The following SPMIP1 variants were observed in gnomAD, a reference collection of about 807,000 sequenced individuals.
SPMIP1 encodes the protein sperm microtubule inner protein 1.
At chr7:128,866,345 C>T in the SPMIP1 span, 1 of 1,314,584 alleles carries the variant, frequency 7.6e-7, no homozygotes, top group Non-Finnish European at 1.0e-6. Context: ...CCGTCAGAAG[C>T]ACTCTGCTTG....
chr7:128,868,993 G>GCAC, the SPMIP1 span: 2 of 470,850 alleles, frequency 4.2e-6, no homozygotes, highest in Non-Finnish European at 7.6e-6. Flanking sequence ...TGACCAGAGG[G>GCAC]TGCTGGGAAG....
At chr7:128,866,931 G>A in the SPMIP1 span, 2 of 1,196,882 alleles carry the variant, frequency 1.7e-6, no homozygotes, top group East Asian at 2.6e-5. Flanking sequence ...ACAGAGCAAG[G>A]AGATGGCCAA....
At chr7:128,866,598 A>AAACC in the SPMIP1 span, 1 of 1,431,918 alleles carries the variant, frequency 7.0e-7, no homozygotes, top group Non-Finnish European at 9.2e-7. Flanking sequence ...CCCCACTCTC[A>AAACC]CCCCCACCCG....
At chr7:128,871,557 T>A in the SPMIP1 span, 1 of 152,210 alleles carries the variant, frequency 6.6e-6, no homozygotes, top group Non-Finnish European at 1.5e-5. Context: ...AGAGATGATG[T>A]GTTGCCGCTC....
the SPMIP1 span, chr7:128,866,573 C>G: frequency 2.0e-6 from 3 of 1,535,538 alleles, no homozygotes; most frequent in South Asian, 3.6e-5. Flanking sequence ...AAACTGCCCA[C>G]CCTGCACCCC....
the SPMIP1 span, among the ~76,000 whole-genome samples, chr7:128,868,100 G>T: frequency 6.6e-6 from 1 of 152,216 alleles, no homozygotes; most frequent in Admixed American, 6.5e-5. Context: ...TGTGGAACAG[G>T]CATGTGCCAG....
chr7:128,868,229 G>C, the SPMIP1 span, among the ~76,000 whole-genome samples: 3 of 152,234 alleles, frequency 2.0e-5, no homozygotes, highest in African/African-American at 7.2e-5. Flanking sequence ...CAGAAAAGGT[G>C]GATGGTTGGG....
chr7:128,871,645 T>G, the SPMIP1 span: 1 of 152,222 alleles, frequency 6.6e-6, no homozygotes, highest in Non-Finnish European at 1.5e-5. Context: ...GGTCTGAAAT[T>G]GAGAACTTTC....
the SPMIP1 span, chr7:128,866,334 G>A: frequency 3.5e-5 from 42 of 1,211,490 alleles, no homozygotes; most frequent in Admixed American, 2.1e-4. Flanking sequence ...GCAGCCACTC[G>A]CCGTCAGAAG....
At chr7:128,868,434 T>C in the SPMIP1 span, among the ~76,000 whole-genome samples, 1 of 152,162 alleles carries the variant, frequency 6.6e-6, no homozygotes, top group East Asian at 1.9e-4. Flanking sequence ...TCCCTGCAGG[T>C]AGAGGATCCT....
At chr7:128,868,995 G>A in the SPMIP1 span, 37,489 of 460,282 alleles carry the variant, frequency 0.081, 3,239 homozygotes, top group East Asian at 0.29. Context: ...ACCAGAGGGT[G>A]CTGGGAAGGG....
At chr7:128,871,420 A>G in the SPMIP1 span, 1 of 152,212 alleles carries the variant, frequency 6.6e-6, no homozygotes, top group Admixed American at 6.5e-5. Flanking sequence ...TCTTATTCAG[A>G]AAAACCTTCC....
At chr7:128,868,556 G>C in the SPMIP1 span, 1 of 577,096 alleles carries the variant, frequency 1.7e-6, no homozygotes, top group Non-Finnish European at 3.0e-6. Flanking sequence ...TTCCCACAAA[G>C]TGGCTACTCC....
chr7:128,866,598 A>ACCCCCCCCCC, the SPMIP1 span: 1 of 1,431,904 alleles, frequency 7.0e-7, no homozygotes. Flanking sequence ...CCCCACTCTC[A>ACCCCCCCCCC]CCCCCACCCG....
At chr7:128,866,701 C>G in the SPMIP1 span, 1 of 1,536,016 alleles carries the variant, frequency 6.5e-7, no homozygotes, top group Non-Finnish European at 8.7e-7. Flanking sequence ...CACCCGAGCC[C>G]TGCTGTATGA....
At chr7:128,866,586 A>ACCCC in the SPMIP1 span, 1 of 1,535,262 alleles carries the variant, frequency 6.5e-7, no homozygotes, top group Non-Finnish European at 8.7e-7. Flanking sequence ...TGCACCCCAA[A>ACCCC]GCCCCACTCT....
chr7:128,867,660 C>T, the SPMIP1 span, among the ~76,000 whole-genome samples: 3 of 152,162 alleles, frequency 2.0e-5, no homozygotes, highest in Admixed American at 6.5e-5. Context: ...CAACCTCTGC[C>T]TCCCAGGTTC....
At chr7:128,866,954 C>T in the SPMIP1 span, 12 of 960,866 alleles carry the variant, frequency 1.2e-5, no homozygotes, top group Middle Eastern at 2.9e-4. Context: ...AGTGTCGACA[C>T]GTTCCACAGA....
At chr7:128,866,754 C>A in the SPMIP1 span, 1 of 1,536,152 alleles carries the variant, frequency 6.5e-7, no homozygotes, top group Non-Finnish European at 8.7e-7. Flanking sequence ...GCTACCTCAA[C>A]ACTCGAAAAC....
Sources: gnomAD v4.1 joint callset for allele counts (sites outside exome capture counted in the v4.1 genomes callset) on GRCh38, gnomAD v4.1.1 for gene constraint, MANE v1.5 for transcripts, NCBI Gene and HGNC (gene_info 2026-07-23, HGNC 2026-07-21) for gene names.